The following PLCH2 variants were observed in gnomAD, a reference collection of about 807,000 sequenced individuals.
The protein encoded by PLCH2 is phospholipase C eta 2, also known as 1-phosphatidylinositol 4,5-bisphosphate phosphodiesterase eta-2.
PLCH2 carries 98 observed loss-of-function variants against 134.7 expected under a neutral mutation model. The observed-to-expected ratio is 0.73, with a 90% CI of 0.62 to 0.86. The LOEUF is 0.86. PLCH2 is among the 40% of genes least tolerant of loss of function. The pLI is 0.00. For synonymous variants in PLCH2, 974 were observed against 827.5 expected (o/e 1.18, Z -3.04); for missense variants, 1,994 against 1,986.6 (o/e 1.00, Z -0.07).
intron 2 of PLCH2, among the ~76,000 whole-genome samples, chr1:2,435,628 G>A (rs539250201): frequency 6.6e-6 from 1 of 152,214 alleles, no homozygotes; most frequent in East Asian, 1.9e-4. Flanking sequence ...CCCGAGTGCA[G>A]CGTGACACGG....
chr1:2,450,311 C>T (rs954011420), intron 2 of PLCH2, among the ~76,000 whole-genome samples: 7 of 152,168 alleles, frequency 4.6e-5, no homozygotes, highest in South Asian at 2.1e-4. Context: ...CCAGCACAGG[C>T]GGCCGGTCCT....
At chr1:2,417,487 T>C in the PLCH2 span, among the ~76,000 whole-genome samples, 1 of 152,038 alleles carries the variant, frequency 6.6e-6, no homozygotes, top group Non-Finnish European at 1.5e-5. Context: ...AGGGTGGGGT[T>C]CCCAGGAGAG....
chr1:2,443,599 C>CCGCCGTGCGCCT (rs1639791941), intron 2 of PLCH2, among the ~76,000 whole-genome samples: 2 of 151,098 alleles, frequency 1.3e-5, no homozygotes, highest in Admixed American at 1.3e-4. Context: ...CCGGCTAGCC[C>CCGCCGTGCGCCT]CGCGCCCCAC....
At chr1:2,482,199 G>A (rs1048492590) in intron 4 of PLCH2, among the ~76,000 whole-genome samples, 2 of 152,222 alleles carry the variant, frequency 1.3e-5, no homozygotes, top group South Asian at 2.1e-4. Flanking sequence ...CTCACTGTCC[G>A]AGCATTTTTG....
chr1:2,432,875 C>T (rs542355456), intron 2 of PLCH2, among the ~76,000 whole-genome samples: 43 of 152,332 alleles, frequency 2.8e-4, no homozygotes, highest in African/African-American at 9.4e-4. Context: ...GAGGTCTTTC[C>T]CGTCCGTCAG....
the PLCH2 span, among the ~76,000 whole-genome samples, chr1:2,418,036 T>C: frequency 6.6e-6 from 1 of 152,220 alleles, no homozygotes; most frequent in African/African-American, 2.4e-5. Flanking sequence ...CATCCCTGTG[T>C]CCTGCCCCCA....
Position 2,451,126 on chromosome 1 carries a change from C to T in PLCH2, c.115+20497C>T, listed in dbSNP as rs548742850. Among the ~76,000 whole-genome samples, 9 of 152,184 alleles carry T rather than the reference C, an allele frequency of 5.9e-5. No individual in the cohort carries two copies. In the South Asian group the frequency reaches 1.9e-3, roughly 32 times the overall value. ...TGCAATTTGGGGCAGGGCCTGGGGT[C>T]CAGGCCAGCAGCTGGGCCGAGTGCG... is the stretch of plus-strand genomic sequence containing the variant. On this transcript the variant is annotated intron_variant, in intron 2 of 3. Transcript: ENST00000609981.
intron 2 of PLCH2, among the ~76,000 whole-genome samples, chr1:2,441,651 T>G (rs1470324717): frequency 6.6e-6 from 1 of 151,794 alleles, no homozygotes; most frequent in Non-Finnish European, 1.5e-5. Context: ...GTCCCTGGTG[T>G]AGGGGTAAGC....
intron 11 of PLCH2, chr1:2,494,561 A>C (rs550296060): frequency 9.6e-5 from 51 of 528,934 alleles, no homozygotes; most frequent in Non-Finnish European, 1.6e-4. Context: ...AACGAGTTTA[A>C]AACAACACAT....
chr1:2,429,363 C>T (rs1341938348), intron 1 of PLCH2, among the ~76,000 whole-genome samples: 1 of 152,178 alleles, frequency 6.6e-6, no homozygotes, highest in Non-Finnish European at 1.5e-5. Flanking sequence ...CTCCACCTGG[C>T]CCCTGTTAAT....
At chr1:2,500,220 G>C (rs997568291) in intron 20 of PLCH2, 1 of 172,490 alleles carries the variant, frequency 5.8e-6, no homozygotes, top group East Asian at 1.5e-4. Flanking sequence ...GCTTCCGCAG[G>C]AAGTGGTCTT....
intron 2 of PLCH2, among the ~76,000 whole-genome samples, chr1:2,436,864 C>G (rs1056740919): frequency 6.6e-6 from 1 of 152,188 alleles, no homozygotes; most frequent in Admixed American, 6.5e-5. Flanking sequence ...GACCTGCAGG[C>G]AGGGGAGGGT....
upstream of PLCH2, among the ~76,000 whole-genome samples, chr1:2,471,697 G>A (rs545177364): frequency 2.4e-4 from 37 of 152,156 alleles, no homozygotes; most frequent in African/African-American, 8.7e-4. Flanking sequence ...CAGGTGGCGC[G>A]GCCGATGGAG....
chr1:2,495,046 T>C (rs2100711966), intron 12 of PLCH2, 98 bp downstream of exon 12: 1 of 819,296 alleles, frequency 1.2e-6, no homozygotes, highest in Non-Finnish European at 1.9e-6. Flanking sequence ...CCCCGTGTCC[T>C]CCCTGCTCCC....
intron 12 of PLCH2, 25 bp downstream of exon 12, chr1:2,494,973 G>T: frequency 6.6e-7 from 1 of 1,513,492 alleles, no homozygotes; most frequent in Non-Finnish European, 9.0e-7. Context: ...CCAGGCCAGG[G>T]TCCCGGTCTG....
chr1:2,427,768 C>T (rs896273782), intron 1 of PLCH2, among the ~76,000 whole-genome samples: 102 of 152,136 alleles, frequency 6.7e-4, no homozygotes, highest in African/African-American at 2.2e-3. Flanking sequence ...AAGCAGCCGG[C>T]GAGCCCTCCA....
In PLCH2 at chr1:2,439,761, C is replaced by T. The variant is rs1462617161; in HGVS notation, c.115+9132C>T. ...AGAGTCCCGGGGTCCGTGGGGAGAG[C>T]CCGTCAGAGTCCAGCTGGATTCTTC... On this transcript the variant is annotated intron_variant, in intron 2 of 3. Coordinates refer to the PLCH2 transcript ENST00000609981. This position sits in a 1 kb window ranked among gnomAD's most constrained non-coding sequence, Gnocchi z 4.7. 6.6e-6 allele frequency among the ~76,000 whole-genome samples: 1 copy of T among 152,102 alleles called. No individual in the cohort carries two copies. Among genetic ancestry groups the T allele is most frequent in the African/African-American group, 2.4e-5 (1 of 41,416 alleles).
intron 1 of PLCH2, among the ~76,000 whole-genome samples, chr1:2,426,582 C>T (rs1025795693): frequency 1.3e-5 from 2 of 152,254 alleles, no homozygotes; most frequent in African/African-American, 4.8e-5. Flanking sequence ...TGGCCCCTCG[C>T]GGTCTTCCCT....
upstream of PLCH2, among the ~76,000 whole-genome samples, chr1:2,473,526 C>G (rs1441248112): frequency 2.0e-5 from 3 of 152,242 alleles, no homozygotes; most frequent in South Asian, 4.1e-4. Context: ...CCCTTGAGAG[C>G]TGGACCCTGG....
Sources: allele counts gnomAD v4.1 joint callset (sites outside exome capture counted in the v4.1 genomes callset), GRCh38; gene constraint gnomAD v4.1.1; non-coding constraint Gnocchi (gnomAD v3.1); transcripts MANE v1.5; gene names NCBI Gene and HGNC (gene_info 2026-07-23, HGNC 2026-07-21).